Variants in TTN observed in about 807,000 individuals in gnomAD.
TTN encodes titin.
In TTN, 1,525 loss-of-function variants were observed where a neutral mutation model predicts 3,223.0. The ratio of observed to expected loss-of-function variants is 0.47; its 90% CI spans 0.45 to 0.49. TTN has a LOEUF of 0.49. Among genes scored for constraint, TTN ranks in the 20% least tolerant of loss-of-function variants. TTN has a pLI of 0.00. For missense variants in TTN, 40,786 were observed against 43,424.0 expected, an observed-to-expected ratio of 0.94 and a Z score of 5.40; for synonymous variants, 14,094 against 15,161.0, an observed-to-expected ratio of 0.93 and a Z score of 5.17.
At chr2:178,616,405 G>C (rs1253941217) in intron 257 of TTN, 74 bp downstream of exon 257, 4 of 1,577,912 alleles carry the variant, frequency 2.5e-6, no homozygotes, top group Non-Finnish European at 3.4e-6. Context: ...TAAGACTTTT[G>C]TATGGCATCC....
At chr2:178,687,170 C>A (rs2071150537) in intron 127 of TTN, among the ~76,000 whole-genome samples, 1 of 152,198 alleles carries the variant, frequency 6.6e-6, no homozygotes, top group African/African-American at 2.4e-5. Context: ...ATACTTGGGA[C>A]ATCTAAATGT....
chr2:178,605,947 G>T (rs2054676180), intron 278 of TTN, among the ~76,000 whole-genome samples: 1 of 151,886 alleles, frequency 6.6e-6, no homozygotes, highest in Non-Finnish European at 1.5e-5. Flanking sequence ...TAAATCAAGG[G>T]CACGTATGCT....
chr2:178,729,784 T>C lies in TTN; in HGVS notation c.18469A>G (p.Ile6157Val). 6.2e-7 allele frequency: 1 copy of C among 1,613,740 alleles called. No individual in the cohort carries two copies. The highest frequency in any genetic ancestry group is 8.5e-7 in the Non-Finnish European group (1 of 1,179,728). Residue 6157 changes from isoleucine to valine, a missense_variant, in exon 63 of 363, where the codon ATT (isoleucine) becomes GTT (valine). Transcript: ENST00000589042. The stretch of plus-strand genomic sequence containing the variant: ...ATCTGGAAAGTGGCTAAACCATCAA[T>C]GAAGGAAATGCCATGTTTCTGAATG... ...TAIQKHGISF[I>V]DGLATFQISG...
intron 315 of TTN, 41 bp downstream of exon 315, chr2:178,581,865 G>C (rs767398155): frequency 6.2e-7 from 1 of 1,606,368 alleles, no homozygotes; most frequent in South Asian, 1.1e-5. Context: ...GTTTAATGCT[G>C]CTTTTAACAC....
Position 178,563,392 on chromosome 2 carries a change from C to T in TTN, c.82740G>A (p.Thr27580=), listed in dbSNP as rs56345408. Residue 27580 remains threonine (T), a synonymous_variant, in exon 326 of 363, where the codon ACG becomes ACA. Transcript: ENST00000589042. The surrounding 1 kb of genome is among the most constrained non-coding windows in gnomAD (Gnocchi z 4.5). ...GGGAGACAGAAGATCTGGAAGTGTC[C>T]GTCACTTTTGGATTGCTTGGGGGAC... The part of the protein sequence containing the change: ...PPGPPSNPKV[T]DTSRSSVSLA... 7.2e-3 allele frequency: 11,590 copies of T among 1,613,440 alleles called. 97 individuals carry two copies. Among genetic ancestry groups the T allele is most frequent in the South Asian group, 0.021 (1,908 of 91,068 alleles).
At chr2:178,558,797 C>T in intron 326 of TTN, 160 bp from the exon 327 acceptor site, 1 of 727,676 alleles carries the variant, frequency 1.4e-6, no homozygotes, top group Non-Finnish European at 2.2e-6. Flanking sequence ...TCTGAACCAA[C>T]CAAGGCTCCC....
chr2:178,724,298 A>G lies in TTN; in HGVS notation c.21077T>C (p.Val7026Ala). Residue 7026 changes from valine to alanine, a missense_variant, in exon 72 of 363, where the codon GTT becomes GCT. By Grantham distance (64) the Val-to-Ala change is moderately conservative (BLOSUM62 0). Transcript: ENST00000589042. ...CACAGCTGTGCAGCTGCTTTTCCCA[A>G]CATTATTTTGAACCTGGAAAGTGTA... ...GTYTFQVQNN[V>A]GKSSCTAVVD... 3 of 1,613,482 alleles carry G rather than the reference A, an allele frequency of 1.9e-6. No homozygotes were observed. Among genetic ancestry groups the G allele is most frequent in the Non-Finnish European group, 2.5e-6 (3 of 1,179,596 alleles).
chr2:178,562,538 A>G lies in TTN; in HGVS notation c.83594T>C (p.Leu27865Pro). The G allele has an allele frequency of 6.2e-7, 1 of 1,610,328 alleles. No individual in the cohort carries two copies. The highest frequency in any genetic ancestry group is 8.5e-7 in the Non-Finnish European group (1 of 1,178,644). ...TEPVKVSEPPLPPGRVTLVDV... is the reference protein window; with the variant it reads ...TEPVKVSEPPPPPGRVTLVDV... Reference sequence around the variant, plus strand: ...AACAAGAGTTACTCTTCCAGGTGGGAGGGGTGGTTCAGACACTTTAACGGG... The same window carrying G: ...AACAAGAGTTACTCTTCCAGGTGGGGGGGGTGGTTCAGACACTTTAACGGG... Residue 27865 changes from leucine (L) to proline (P), a missense_variant, in exon 326 of 363, where the codon CTC becomes CCC. Physicochemically the swap from Leu to Pro is moderately conservative, Grantham distance 98. Transcript: ENST00000589042.
intron 47 of TTN, chr2:178,752,189 A>T (rs1452182971): frequency 1.4e-6 from 1 of 715,290 alleles, no homozygotes; most frequent in African/African-American, 1.8e-5. Flanking sequence ...TTGTTCGAAT[A>T]AACGCAACAC....
intron 13 of TTN, 119 bp from the exon 14 acceptor site, chr2:178,786,260 A>G: frequency 9.4e-7 from 1 of 1,066,498 alleles, no homozygotes; most frequent in Non-Finnish European, 1.4e-6. Flanking sequence ...ACGTGTCTAG[A>G]AATGTATCTC....
chr2:178,694,620 C>T lies in TTN; in HGVS notation c.31405G>A (p.Glu10469Lys), dbSNP rs866936723. ...PQKPSRTPVQ[E>K]EVIEVKVPAV... is the part of the protein sequence containing the mutation. ...ATACCTTTCACTTCAATAACTTCTT[C>T]CTGTACTGGAGTCCGGGAAGGTTTT... Residue 10469 changes from glutamate (E) to lysine (K), a missense_variant, in exon 117 of 363, where the codon GAA becomes AAA. By Grantham distance (56) the Glu-to-Lys change is moderately conservative (BLOSUM62 1). Coordinates refer to ENST00000589042, the MANE Select transcript of TTN (RefSeq NM_001267550.2). The T allele has an allele frequency of 1.9e-6, 3 of 1,558,924 alleles. No individual in the cohort carries two copies. Among genetic ancestry groups the T allele is most frequent in the Non-Finnish European group, 2.6e-6 (3 of 1,150,168 alleles).
Position 178,711,075 on chromosome 2 carries a change from C to G in TTN, c.28161G>C (p.Arg9387Ser). Reference protein sequence around the residue: ...NPIGSASSSARLILTEGKNPP... With the variant: ...NPIGSASSSASLILTEGKNPP... The stretch of plus-strand genomic sequence containing the variant: ...GAATCCACAAACCTGTGAGAATGAG[C>G]CTGGCACTGGAAGAAGCAGAGCCTA... The change falls in exon 97 of 363, where the codon AGG becomes AGC. Residue 9387 changes from arginine (R) to serine (S), a missense_variant. By Grantham distance (110) the Arg-to-Ser change is moderately radical. Transcript: ENST00000589042. 6.3e-7 allele frequency: 1 copy of G among 1,590,550 alleles called. No homozygotes were observed. Among genetic ancestry groups the G allele is most frequent in the Non-Finnish European group, 8.6e-7 (1 of 1,168,794 alleles).
chr2:178,714,896 A>G, intron 90 of TTN, 90 bp downstream of exon 90: 1 of 1,473,762 alleles, frequency 6.8e-7, no homozygotes, highest in Non-Finnish European at 9.1e-7. Flanking sequence ...ATAGGCTGCT[A>G]GTGATAAGAC....
In TTN at chr2:178,531,545, A is replaced by C. The variant is rs764381474; in HGVS notation, c.105070T>G (p.Ser35024Ala). 4 of 1,613,922 alleles carry C rather than the reference A, an allele frequency of 2.5e-6. No homozygotes were observed. The South Asian group carries it at 4.4e-5, about 18-fold the overall frequency. Residue 35024 changes from serine to alanine, a missense_variant, in exon 358 of 363, where the codon TCT becomes GCT. By Grantham distance (99) the Ser-to-Ala change is moderately conservative. Transcript: ENST00000589042. ...AVCTNYKGEA[S>A]DYATLDVTGG... is the part of the protein sequence containing the mutation. ...GTCACGTCCAACGTTGCATAGTCAG[A>C]AGCTTCGCCCTTGTAGTTGGTGCAC...
Position 178,795,138 on chromosome 2 carries a change from G to C in TTN, c.1029C>G (p.Pro343=), listed in dbSNP as rs1343493431. 3 of 1,614,138 alleles carry C rather than the reference G, an allele frequency of 1.9e-6. No individual in the cohort carries two copies. The highest frequency in any genetic ancestry group is 2.5e-6 in the Non-Finnish European group (3 of 1,180,010). Residue 343 remains proline (P), a synonymous_variant, in exon 7 of 363, where the codon CCC becomes CCG. Transcript: ENST00000589042. ...STVATGPEVP[P]PWKQEGYVAS... The stretch of plus-strand genomic sequence containing the variant: ...CCACGTAGCCCTCTTGCTTCCAAGG[G>C]GGAGGCACTTCAGGACCTGTGGCCA...
chr2:178,726,234 G>T (rs1012922623), intron 69 of TTN, 188 bp from the exon 70 acceptor site: 63 of 558,200 alleles, frequency 1.1e-4, no homozygotes, highest in Non-Finnish European at 1.2e-4. Flanking sequence ...AGCTAGATGG[G>T]CAGAGAACCC....
chr2:178,744,474 G>C (rs532261485), intron 47 of TTN: 2 of 855,824 alleles, frequency 2.3e-6, no homozygotes, highest in African/African-American at 1.8e-5. Context: ...AGATATTAAG[G>C]AGTATGTTAA....
chr2:178,779,975 G>A, intron 22 of TTN, 25 bp downstream of exon 22: 1 of 1,596,476 alleles, frequency 6.3e-7, no homozygotes, highest in South Asian at 1.1e-5. Flanking sequence ...GAAATTGTTT[G>A]GTTGGTCATT....
In TTN at chr2:178,546,047, C is replaced by T. The variant is rs2555816; in HGVS notation, c.95189G>A (p.Ser31730Asn). Reference sequence around the variant, plus strand: ...TGCTCCTCCGTCTTCCTGCGGAAGGCTCCAGGCTAAAGTGCACTTCTCCTG... The same window carrying T: ...TGCTCCTCCGTCTTCCTGCGGAAGGTTCCAGGCTAAAGTGCACTTCTCCTG... ...VTQEKCTLAW[S>N]LPQEDGGAEI... The change falls in exon 343 of 363, where the codon AGC becomes AAC. Residue 31730 changes from serine (S) to asparagine (N), a missense_variant. Ser to Asn is a conservative substitution (Grantham distance 46). Coordinates refer to ENST00000589042, the MANE Select transcript of TTN (RefSeq NM_001267550.2). 6.2e-7 allele frequency: 1 copy of T among 1,613,786 alleles called. No homozygotes were observed. Among genetic ancestry groups the T allele is most frequent in the Non-Finnish European group, 8.5e-7 (1 of 1,179,738 alleles).
Sources: allele counts gnomAD v4.1 joint callset (sites outside exome capture counted in the v4.1 genomes callset), GRCh38; gene constraint gnomAD v4.1.1; non-coding constraint Gnocchi (gnomAD v3.1); transcripts MANE v1.5; gene names NCBI Gene and HGNC (gene_info 2026-07-23, HGNC 2026-07-21).